NAV2: variants seen among roughly 807,000 people sequenced by gnomAD.
The protein encoded by NAV2 is helicase, APC down-regulated 1.
A neutral mutation model predicts 223.2 loss-of-function variants in NAV2; 54 were observed. That is an observed-to-expected ratio of 0.24 (90% confidence interval 0.19 to 0.30). The LOEUF is 0.30. Among genes scored for constraint, NAV2 ranks in the 10% least tolerant of loss-of-function variants. The pLI is 1.00. For missense variants in NAV2, 2,806 were observed against 3,147.5 expected (o/e 0.89, Z 2.60); for synonymous variants, 1,279 against 1,239.3 (o/e 1.03, Z -0.67).
intron 36 of NAV2, among the ~76,000 whole-genome samples, chr11:20,109,505 A>G (rs1212184693): frequency 1.3e-5 from 2 of 152,192 alleles, no homozygotes; most frequent in Non-Finnish European, 2.9e-5. Context: ...ACAGACCCAA[A>G]CAACCACTCA....
At chr11:19,699,990 C>T (rs1487898379) in intron 1 of NAV2, among the ~76,000 whole-genome samples, 3 of 152,214 alleles carry the variant, frequency 2.0e-5, no homozygotes, top group Non-Finnish European at 4.4e-5. Flanking sequence ...CTCATAGCCT[C>T]AGATTCTGGG....
chr11:19,362,735 G>C (rs974807346), intron 1 of NAV2, among the ~76,000 whole-genome samples: 1 of 152,084 alleles, frequency 6.6e-6, no homozygotes, highest in East Asian at 1.9e-4. Context: ...TCTTCTCTGT[G>C]CCTCAGTTTC....
intron 1 of NAV2, among the ~76,000 whole-genome samples, chr11:19,432,876 G>A (rs1851084752): frequency 6.6e-6 from 1 of 152,154 alleles, no homozygotes; most frequent in South Asian, 2.1e-4. Context: ...GTCCTCTGAG[G>A]CAATTCTTAC....
chr11:20,042,959 T>A (rs1399003981), intron 12 of NAV2, among the ~76,000 whole-genome samples: 2 of 152,182 alleles, frequency 1.3e-5, no homozygotes, highest in African/African-American at 4.8e-5. Flanking sequence ...CTTCTGGGTT[T>A]TATGGCCAGC....
intron 1 of NAV2, among the ~76,000 whole-genome samples, chr11:19,700,964 AC>A (rs1306614288): frequency 6.6e-6 from 1 of 152,222 alleles, no homozygotes; most frequent in Non-Finnish European, 1.5e-5. Flanking sequence ...TTCTAGACTT[AC>A]ACCTGGCCCT....
intron 1 of NAV2, among the ~76,000 whole-genome samples, chr11:19,479,796 C>A (rs1436624211): frequency 1.3e-5 from 2 of 152,178 alleles, no homozygotes; most frequent in African/African-American, 2.4e-5. Flanking sequence ...CCTTGACCAA[C>A]CAAGACAAAA....
intron 29 of NAV2, 149 bp downstream of exon 29, chr11:20,093,348 T>G (rs774334703): frequency 1.6e-6 from 1 of 620,386 alleles, no homozygotes. Context: ...CCATAATCCC[T>G]TGCAGCATTC....
chr11:19,650,089 A>C (rs2047926690), intron 1 of NAV2, among the ~76,000 whole-genome samples: 1 of 152,202 alleles, frequency 6.6e-6, no homozygotes, highest in African/African-American at 2.4e-5. Context: ...CCCAAAAAAG[A>C]TATATTGAAG....
chr11:19,539,740 T>G (rs968568645), intron 1 of NAV2, among the ~76,000 whole-genome samples: 28 of 152,296 alleles, frequency 1.8e-4, no homozygotes, highest in Admixed American at 2.0e-4. Flanking sequence ...TTTGAAGCCT[T>G]TTCATTGCAT....
At chr11:19,677,047 C>G (rs77159907) in intron 1 of NAV2, among the ~76,000 whole-genome samples, 2,414 of 152,268 alleles carry the variant, frequency 0.016, 65 homozygotes, top group African/African-American at 0.055. Flanking sequence ...AGACTGCCAG[C>G]CACAGAAAAA....
chr11:19,650,516 GC>G (rs1382962667), intron 1 of NAV2, among the ~76,000 whole-genome samples: 2 of 152,132 alleles, frequency 1.3e-5, no homozygotes, highest in African/African-American at 4.8e-5. Flanking sequence ...TGTTATGGCA[GC>G]CCAAGAAAAC....
chr11:19,356,860 T>A (rs1291299856), intron 1 of NAV2, among the ~76,000 whole-genome samples: 1 of 152,184 alleles, frequency 6.6e-6, no homozygotes, highest in Non-Finnish European at 1.5e-5. Flanking sequence ...GTGAAGACAA[T>A]TTGACATTTT....
rs1353383168 is a variant in NAV2 at position 19,939,707 on chromosome 11, A to G, written c.2080A>G (p.Thr694Ala). Reference protein sequence around the residue: ...EGNVTAESSSTGVSVEPSHFT... With the variant: ...EGNVTAESSSAGVSVEPSHFT... ...GAATGTTACTGCCGAGTCAAGCTCA[A>G]CAGGTGTGAGCGTGGAGCCCAGCCA... The change falls in exon 8 of 38, where the codon ACA becomes GCA. Residue 694 changes from threonine (T) to alanine (A), a missense_variant. Transcript: ENST00000349880. The G allele has an allele frequency of 2.5e-6, 4 of 1,614,140 alleles. No individual in the cohort carries two copies. Among genetic ancestry groups the G allele is most frequent in the Middle Eastern group, 1.6e-4 (1 of 6,062 alleles).
intron 1 of NAV2, among the ~76,000 whole-genome samples, chr11:19,690,692 C>T (rs1565170984): frequency 6.6e-6 from 1 of 152,188 alleles, no homozygotes; most frequent in Non-Finnish European, 1.5e-5. Flanking sequence ...CAAAACCCTC[C>T]CTAGGATTTT....
At chr11:19,937,351 T>TG (rs1555157785) in intron 7 of NAV2, among the ~76,000 whole-genome samples, 2 of 145,526 alleles carry the variant, frequency 1.4e-5, no homozygotes, top group Admixed American at 6.8e-5. Context: ...TTATAATTGC[T>TG]CCCCCCCCGC....
At position 19,998,042 on chromosome 11, in the gene NAV2, G is replaced by A. The variant is rs2052095204; in HGVS notation, c.2768+13795G>A. On this transcript the variant is annotated intron_variant, in intron 11 of 37. Coordinates refer to ENST00000349880, the MANE Select transcript of NAV2 (RefSeq NM_145117.5). The surrounding 1 kb of genome is among the most constrained non-coding windows in gnomAD (Gnocchi z 5.0). The stretch of plus-strand genomic sequence containing the variant: ...CTCCCCCAAGACTGAGAGGAAGGAA[G>A]CAGAACAAAAGTGTGTTTTTCTCAG... Among the ~76,000 whole-genome samples, 1 of 152,114 alleles carries A rather than the reference G, an allele frequency of 6.6e-6. No homozygotes were observed. The highest frequency in any genetic ancestry group is 2.1e-4 in the South Asian group (1 of 4,816).
At chr11:19,444,338 T>C (rs1851508933) in intron 1 of NAV2, among the ~76,000 whole-genome samples, 1 of 152,226 alleles carries the variant, frequency 6.6e-6, no homozygotes. Context: ...TGAAGAGTTA[T>C]TGCTCAGAAG....
At chr11:19,890,679 T>C (rs530864495) in intron 5 of NAV2, among the ~76,000 whole-genome samples, 19 of 152,276 alleles carry the variant, frequency 1.2e-4, no homozygotes, top group South Asian at 2.1e-4. Context: ...AGCTCTTCCA[T>C]TGGATGTGAG....
At chr11:19,787,266 GGATCTTTTT>G (rs2057184268) in intron 1 of NAV2, among the ~76,000 whole-genome samples, 1 of 83,016 alleles carries the variant, frequency 1.2e-5, no homozygotes, top group African/African-American at 5.0e-5. Flanking sequence ...AATTTTTATT[GGATCTTTTT>G]TTTTTTTTTT....
Sources: gnomAD v4.1 joint callset for allele counts (sites outside exome capture counted in the v4.1 genomes callset) on GRCh38, gnomAD v4.1.1 for gene constraint, Gnocchi (gnomAD v3.1) non-coding constraint, MANE v1.5 for transcripts, NCBI Gene and HGNC (gene_info 2026-07-23, HGNC 2026-07-21) for gene names.